HDAC9: variants seen among roughly 807,000 people sequenced by gnomAD.
HDAC9 encodes the protein MEF-2 interacting transcription repressor (MITR) protein.
In HDAC9, 41 loss-of-function variants were observed where a neutral mutation model predicts 139.4. The ratio of observed to expected loss-of-function variants is 0.29; its 90% CI spans 0.23 to 0.38. The LOEUF is 0.38. Among genes scored for constraint, HDAC9 ranks in the 10% least tolerant of loss-of-function variants. The probability of loss-of-function intolerance (pLI) is 1.00; values close to 1 mark genes in which losing one functional copy is unlikely to be tolerated. For missense variants in HDAC9, 1,147 were observed against 1,297.0 expected, an observed-to-expected ratio of 0.88 and a Z score of 1.78; for synonymous variants, 517 against 476.2, an observed-to-expected ratio of 1.09 and a Z score of -1.12.
intron 19 of HDAC9, 108 bp downstream of exon 19, chr7:18,829,656 A>G: frequency 1.5e-6 from 1 of 681,056 alleles, no homozygotes; most frequent in Non-Finnish European, 2.5e-6. Flanking sequence ...AAACAACTGA[A>G]GGGTGTGTTT....
At chr7:18,339,289 C>T (rs1383558016) in intron 1 of HDAC9, among the ~76,000 whole-genome samples, 1 of 151,222 alleles carries the variant, frequency 6.6e-6, no homozygotes, top group Non-Finnish European at 1.5e-5. Flanking sequence ...TTCATTATTG[C>T]CTTTCTTCAA....
intron 2 of HDAC9, among the ~76,000 whole-genome samples, chr7:18,551,312 T>C (rs565693456): frequency 1.3e-5 from 2 of 152,214 alleles, no homozygotes; most frequent in Admixed American, 1.3e-4. Flanking sequence ...GGTATATGAG[T>C]CTGGAGTTCA....
At chr7:18,388,895 A>G (rs959879070) in intron 1 of HDAC9, among the ~76,000 whole-genome samples, 9 of 152,190 alleles carry the variant, frequency 5.9e-5, no homozygotes, top group East Asian at 1.9e-4. Context: ...CAAAGTATCA[A>G]ATTTCTTGAC....
intron 23 of HDAC9, among the ~76,000 whole-genome samples, chr7:18,946,028 C>T (rs963633914): frequency 2.4e-5 from 2 of 84,380 alleles, no homozygotes; most frequent in Non-Finnish European, 4.2e-5. Flanking sequence ...TAGTACAAGA[C>T]TCCGTCTCAA....
intron 22 of HDAC9, among the ~76,000 whole-genome samples, chr7:18,905,519 T>C (rs1008045203): frequency 2.0e-5 from 3 of 152,230 alleles, no homozygotes; most frequent in Non-Finnish European, 4.4e-5. Flanking sequence ...CTGCTTCCTC[T>C]TAATAACTTT....
At chr7:18,868,300 G>T (rs1798646004) in intron 21 of HDAC9, among the ~76,000 whole-genome samples, 1 of 152,050 alleles carries the variant, frequency 6.6e-6, no homozygotes, top group African/African-American at 2.4e-5. Flanking sequence ...TTGGTCTCTG[G>T]ATCCCCATAA....
intron 21 of HDAC9, among the ~76,000 whole-genome samples, chr7:18,848,059 A>G (rs1185758462): frequency 1.3e-5 from 2 of 152,146 alleles, no homozygotes; most frequent in African/African-American, 2.4e-5. Context: ...TTTTCTGGGT[A>G]TTGTTATGCA....
chr7:18,528,394 T>A (rs188845975), intron 2 of HDAC9, among the ~76,000 whole-genome samples: 1 of 151,578 alleles, frequency 6.6e-6, no homozygotes, highest in Non-Finnish European at 1.5e-5. Flanking sequence ...CAGAAAAAAA[T>A]TAGGTAAAAT....
chr7:18,848,523 T>A (rs1431856955), intron 21 of HDAC9, among the ~76,000 whole-genome samples: 1 of 151,704 alleles, frequency 6.6e-6, no homozygotes, highest in African/African-American at 2.4e-5. Flanking sequence ...AGGCTATGGG[T>A]GCACGCAGCG....
chr7:18,874,621 C>G (rs753038272), intron 22 of HDAC9, 25 bp downstream of exon 22: 20 of 1,350,674 alleles, frequency 1.5e-5, no homozygotes, highest in Middle Eastern at 1.8e-4. Context: ...CAGGACTTTA[C>G]GAAAGGCTCT....
chr7:18,869,793 GAC>G (rs745525142), intron 21 of HDAC9, among the ~76,000 whole-genome samples: 17 of 152,034 alleles, frequency 1.1e-4, no homozygotes, highest in Non-Finnish European at 2.2e-4. Flanking sequence ...GAGTTTTCCT[GAC>G]ACAGGCTCAA....
intron 21 of HDAC9, among the ~76,000 whole-genome samples, chr7:18,869,942 A>C (rs1798791874): frequency 6.6e-6 from 1 of 151,232 alleles, no homozygotes; most frequent in Non-Finnish European, 1.5e-5. Context: ...AATTTGTTAG[A>C]AACTTGTTTG....
chr7:18,295,569 A>G (rs1434311950), intron 1 of HDAC9, among the ~76,000 whole-genome samples: 2 of 152,166 alleles, frequency 1.3e-5, no homozygotes, highest in Non-Finnish European at 1.5e-5. Flanking sequence ...CTATCTTTAC[A>G]TAACTGTATG....
intron 16 of HDAC9, among the ~76,000 whole-genome samples, chr7:18,786,812 CTTCCTTCA>C (rs1446459647): frequency 0.095 from 9,243 of 96,954 alleles, 663 homozygotes; most frequent in African/African-American, 0.16. Flanking sequence ...TCCTTCCTTC[CTTCCTTCA>C]TTCCTTCCTT....
chr7:18,889,588 G>C (rs1411096396), intron 22 of HDAC9, among the ~76,000 whole-genome samples: 1 of 152,086 alleles, frequency 6.6e-6, no homozygotes, highest in Non-Finnish European at 1.5e-5. Flanking sequence ...ATAAAAAAAA[G>C]AAAAGGAAAC....
At chr7:18,718,289 T>C (rs1700445930) in intron 12 of HDAC9, among the ~76,000 whole-genome samples, 1 of 152,164 alleles carries the variant, frequency 6.6e-6, no homozygotes, top group Admixed American at 6.5e-5. Context: ...TGGAGTGCAA[T>C]GGCGCGATGT....
At chr7:18,525,317 A>T (rs191557932) in intron 2 of HDAC9, among the ~76,000 whole-genome samples, 3 of 152,288 alleles carry the variant, frequency 2.0e-5, no homozygotes, top group Admixed American at 6.5e-5. Context: ...AAAAAATCTA[A>T]TTGCGTTAAA....
intron 1 of HDAC9, among the ~76,000 whole-genome samples, chr7:18,403,304 A>C (rs750941654): frequency 1.3e-5 from 2 of 152,200 alleles, no homozygotes; most frequent in Non-Finnish European, 2.9e-5. Context: ...CGGTAAAGTC[A>C]TCATTACTAT....
intron 22 of HDAC9, among the ~76,000 whole-genome samples, chr7:18,889,427 T>C (rs1342577365): frequency 6.8e-6 from 1 of 147,788 alleles, no homozygotes; most frequent in Admixed American, 6.8e-5. Context: ...TTGACTTTCA[T>C]GTATGGAGTG....
Sources: allele counts gnomAD v4.1 joint callset (sites outside exome capture counted in the v4.1 genomes callset), GRCh38; gene constraint gnomAD v4.1.1; transcripts MANE v1.5; gene names NCBI Gene and HGNC (gene_info 2026-07-23, HGNC 2026-07-21).